The following PIK3R6 variants were observed in gnomAD, a reference collection of about 807,000 sequenced individuals.
PIK3R6 encodes phosphoinositide-3-kinase regulatory subunit 6, also known as phosphoinositide 3-kinase regulatory subunit 6.
PIK3R6 carries 91 observed loss-of-function variants against 84.9 expected under a neutral mutation model. The observed-to-expected ratio is 1.07, with a 90% CI of 0.90 to 1.28. The LOEUF (loss-of-function observed/expected upper bound fraction) is 1.28. PIK3R6 is among the 50% of genes most tolerant of loss of function. The pLI, the probability that PIK3R6 is intolerant of heterozygous loss-of-function variation, is 0.00. For missense variants in PIK3R6, 996 were observed against 985.1 expected (o/e 1.01, Z -0.15); for synonymous variants, 416 against 411.4 (o/e 1.01, Z -0.13).
intron 8 of PIK3R6, 120 bp from the exon 9 acceptor site, chr17:8,833,165 C>T: frequency 7.4e-7 from 1 of 1,352,028 alleles, no homozygotes; most frequent in Non-Finnish European, 9.8e-7. Flanking sequence ...CCCCTGGGGG[C>T]CCGGCAGGAG....
At chr17:8,819,293 C>G in intron 17 of PIK3R6, 95 bp from the exon 18 acceptor site, 1 of 847,764 alleles carries the variant, frequency 1.2e-6, no homozygotes, top group South Asian at 2.1e-5. Flanking sequence ...CATCTTGACA[C>G]CCCCAGCCCT....
At chr17:8,855,789 A>G (rs2089125158) in intron 1 of PIK3R6, among the ~76,000 whole-genome samples, 1 of 152,226 alleles carries the variant, frequency 6.6e-6, no homozygotes. Context: ...ATTTCTCATA[A>G]AGTTATGCGT....
At chr17:8,807,149 G>T (rs2087229064) in intron 18 of PIK3R6, among the ~76,000 whole-genome samples, 1 of 152,224 alleles carries the variant, frequency 6.6e-6, no homozygotes, top group Admixed American at 6.5e-5. Flanking sequence ...ATATGGGGTT[G>T]CCCTATACGA....
Position 8,835,357 on chromosome 17 carries a change from G to A in PIK3R6, c.561C>T (p.Thr187=). The stretch of plus-strand genomic sequence containing the variant: ...CGTGGGAGACCACGTGGCGCATGCA[G>A]GTCTCTGGTGTCTGCTGCGCCTGGG... The part of the protein sequence containing the change: ...EAAQAQQTPE[T]CMRHVVSHAL... The change falls in exon 8 of 20, where the codon ACC becomes ACT. Residue 187 remains threonine (T), a synonymous_variant. Coordinates refer to ENST00000619866, the MANE Select transcript of PIK3R6 (RefSeq NM_001010855.4). 6.2e-7 allele frequency: 1 copy of A among 1,611,780 alleles called. No homozygotes were observed. The highest frequency in any genetic ancestry group is 1.1e-5 in the South Asian group (1 of 90,812).
At chr17:8,848,104 C>T (rs151308284) in intron 2 of PIK3R6, among the ~76,000 whole-genome samples, 65 of 152,290 alleles carry the variant, frequency 4.3e-4, no homozygotes, top group African/African-American at 1.3e-3. Flanking sequence ...GAGGGAAGGA[C>T]GCCTGGTGTG....
chr17:8,814,507 C>T (rs1216577443), intron 18 of PIK3R6, among the ~76,000 whole-genome samples: 9 of 151,910 alleles, frequency 5.9e-5, no homozygotes, highest in Non-Finnish European at 7.4e-5. Flanking sequence ...CATGAGCCAC[C>T]GTGCCCAGTC....
At position 8,803,661 on chromosome 17, in the gene PIK3R6, C is replaced by A; in HGVS notation, c.2109-232G>T. The A allele has an allele frequency of 5.4e-6, 3 of 557,402 alleles. No homozygotes were observed. The East Asian group carries it at 9.1e-5, about 17-fold the overall frequency. 34.5% of individuals were successfully genotyped at this position (557,402 alleles called of 1,614,324 possible). ...AGTAACTCTGCGCATGCCTCCCTTA[C>A]CCAAACACACCTCCCGAGGGGAAGC... On this transcript the variant is annotated intron_variant, in intron 19 of 19. Coordinates refer to ENST00000619866, the MANE Select transcript of PIK3R6 (RefSeq NM_001010855.4). This position sits in a 1 kb window ranked among gnomAD's most constrained non-coding sequence, Gnocchi z 5.0.
chr17:8,829,191 A>C (rs1427170871), intron 10 of PIK3R6, among the ~76,000 whole-genome samples: 2 of 129,316 alleles, frequency 1.5e-5, no homozygotes, highest in African/African-American at 6.5e-5. Context: ...ACAGACAGAC[A>C]TACACACACG....
At chr17:8,859,987 T>C (rs1344048087) in intron 1 of PIK3R6, among the ~76,000 whole-genome samples, 1 of 152,234 alleles carries the variant, frequency 6.6e-6, no homozygotes, top group Non-Finnish European at 1.5e-5. Flanking sequence ...ACTAATACAA[T>C]GCTTAAGAAG....
intron 17 of PIK3R6, among the ~76,000 whole-genome samples, chr17:8,819,898 G>A (rs1322009677): frequency 7.1e-6 from 1 of 141,474 alleles, no homozygotes; most frequent in African/African-American, 2.7e-5. Flanking sequence ...ACGTATATAT[G>A]TGTATACATA....
Position 8,862,131 on chromosome 17 carries a change from C to T in PIK3R6, c.-92+5398G>A, listed in dbSNP as rs1343698294. On this transcript the variant is annotated intron_variant, in intron 1 of 19. Transcript: ENST00000619866. The surrounding 1 kb of genome is among the most constrained non-coding windows in gnomAD (Gnocchi z 4.3). ...AGTACTATTGGAGGTCTGAGTCATC[C>T]CCTGGGGGTCTTGGAGTGTGTCCCC... 1.3e-5 allele frequency among the ~76,000 whole-genome samples: 2 copies of T among 152,050 alleles called. No homozygotes were observed. The highest frequency in any genetic ancestry group is 1.5e-5 in the Non-Finnish European group (1 of 68,016).
intron 1 of PIK3R6, among the ~76,000 whole-genome samples, chr17:8,856,603 AAAAC>A (rs1258032446): frequency 3.9e-5 from 6 of 152,172 alleles, no homozygotes; most frequent in African/African-American, 9.7e-5. Context: ...CTCCATCTCA[AAAAC>A]AAACAAACAA....
chr17:8,804,338 G>T (rs544364402), intron 18 of PIK3R6, among the ~76,000 whole-genome samples, 185 bp from the exon 19 acceptor site: 1 of 152,120 alleles, frequency 6.6e-6, no homozygotes, highest in Non-Finnish European at 1.5e-5. Context: ...CTTGCCCTTG[G>T]ATCTCACATC....
intron 1 of PIK3R6, among the ~76,000 whole-genome samples, chr17:8,856,174 T>C (rs190643275): frequency 6.6e-6 from 1 of 152,366 alleles, no homozygotes; most frequent in Admixed American, 6.5e-5. Context: ...TTTATCTCTT[T>C]TTTAGTCAAA....
chr17:8,849,140 G>A (rs1477878932), intron 2 of PIK3R6, among the ~76,000 whole-genome samples: 1 of 152,180 alleles, frequency 6.6e-6, no homozygotes, highest in African/African-American at 2.4e-5. Context: ...CTTACTAGCT[G>A]TGTGGCTTTG....
At chr17:8,821,981 C>T (rs1422834832) in intron 16 of PIK3R6, 45 bp from the exon 17 acceptor site, 2 of 1,460,044 alleles carry the variant, frequency 1.4e-6, no homozygotes, top group Non-Finnish European at 1.9e-6. Flanking sequence ...TCAGGACATA[C>T]CCTTTCCCCA....
intron 18 of PIK3R6, among the ~76,000 whole-genome samples, chr17:8,804,784 C>T (rs1482092432): frequency 6.6e-6 from 1 of 152,202 alleles, no homozygotes; most frequent in Admixed American, 6.5e-5. Context: ...TCATCCCACA[C>T]ACAGACTTTG....
In PIK3R6 at chr17:8,810,350, A is replaced by C. The variant is rs1318261676; in HGVS notation, c.1996-6197T>G. On this transcript the variant is annotated intron_variant, in intron 18 of 19. Transcript: ENST00000619866. ...CCCCTCCCACAACATGTGGGAATGC[A>C]AGATCAGATTTGGGTAGGGACACAG... 1.4e-5 allele frequency among the ~76,000 whole-genome samples: 2 copies of C among 147,886 alleles called. 1 individual carries two copies. Among genetic ancestry groups the C allele is most frequent in the Non-Finnish European group, 2.9e-5 (2 of 67,884 alleles).
At position 8,838,576 on chromosome 17, in the gene PIK3R6, T is replaced by C. The variant is rs1448425164; in HGVS notation, c.177A>G (p.Arg59=). 4 of 1,601,588 alleles carry C rather than the reference T, an allele frequency of 2.5e-6. No individual in the cohort carries two copies. Among genetic ancestry groups the C allele is most frequent in the East Asian group, 2.2e-5 (1 of 44,454 alleles). The change falls in exon 4 of 20, where the codon AGA becomes AGG. Residue 59 remains arginine (R), a synonymous_variant. Coordinates refer to ENST00000619866, the MANE Select transcript of PIK3R6 (RefSeq NM_001010855.4). ...KSPVLVRILL[R]ELEKAESQDL... is the part of the protein sequence containing the mutation. ...TCCAGGAACTCACCTTCTCCAGTTCTCTGAGAAGAATGCGGACCAGCACTG... is the reference window on the plus strand; with the variant it reads ...TCCAGGAACTCACCTTCTCCAGTTCCCTGAGAAGAATGCGGACCAGCACTG...
Sources: gnomAD v4.1 joint callset for allele counts (sites outside exome capture counted in the v4.1 genomes callset) on GRCh38, gnomAD v4.1.1 for gene constraint, Gnocchi (gnomAD v3.1) non-coding constraint, MANE v1.5 for transcripts, NCBI Gene and HGNC (gene_info 2026-07-23, HGNC 2026-07-21) for gene names.